Variants in SIPA1L1 observed in about 807,000 individuals in gnomAD.
The protein encoded by SIPA1L1 is signal-induced proliferation-associated 1-like protein 1.
A neutral mutation model predicts 162.7 loss-of-function variants in SIPA1L1; 26 were observed. The ratio of observed to expected loss-of-function variants is 0.16; its 90% CI spans 0.12 to 0.22. The LOEUF is 0.22. Among genes scored for constraint, SIPA1L1 ranks in the 10% least tolerant of loss-of-function variants. SIPA1L1 has a pLI of 1.00. For synonymous variants in SIPA1L1, 829 were observed against 837.4 expected (o/e 0.99, Z 0.17); for missense variants, 1,874 against 2,241.0 (o/e 0.84, Z 3.31).
chr14:71,457,973 C>T (rs1595563355), intron 2 of SIPA1L1, among the ~76,000 whole-genome samples: 2 of 152,200 alleles, frequency 1.3e-5, no homozygotes, highest in South Asian at 4.2e-4. Context: ...CATTTTGTAA[C>T]CTTTTCCCCC....
In SIPA1L1 at chr14:71,624,273, G is replaced by T; in HGVS notation, c.1818+37G>T. Reference sequence around the variant, plus strand: ...TTTCTGAGGAGAGCATTCTTGCTCAGGTTTATTGCTAGGCTTCCGGAATAC... The same window carrying T: ...TTTCTGAGGAGAGCATTCTTGCTCATGTTTATTGCTAGGCTTCCGGAATAC... On this transcript the variant is annotated intron_variant, in intron 7 of 23. Coordinates refer to ENST00000381232, the MANE Select transcript of SIPA1L1 (RefSeq NM_001386936.1). 4 of 1,538,948 alleles carry T rather than the reference G, an allele frequency of 2.6e-6. No individual in the cohort carries two copies. The South Asian group carries it at 4.8e-5, about 18-fold the overall frequency.
chr14:71,672,670 T>C, intron 12 of SIPA1L1, 48 bp downstream of exon 12: 1 of 1,584,868 alleles, frequency 6.3e-7, no homozygotes, highest in Non-Finnish European at 8.6e-7. Context: ...GTGCAGGGTT[T>C]GTGTACCATG....
At chr14:71,629,535 C>T (rs911339115) in intron 7 of SIPA1L1, among the ~76,000 whole-genome samples, 5 of 152,024 alleles carry the variant, frequency 3.3e-5, no homozygotes, top group South Asian at 2.1e-4. Context: ...CTTCAGTGCC[C>T]GGTATTCAGT....
At chr14:71,700,889 G>C (rs1197473955) in intron 14 of SIPA1L1, among the ~76,000 whole-genome samples, 2 of 150,568 alleles carry the variant, frequency 1.3e-5, no homozygotes, top group Admixed American at 1.3e-4. Flanking sequence ...AGCTACTCAG[G>C]AGTCTGAGGC....
chr14:71,374,876 T>C (rs569866004), intron 2 of SIPA1L1, among the ~76,000 whole-genome samples: 9 of 152,306 alleles, frequency 5.9e-5, no homozygotes, highest in Admixed American at 2.6e-4. Flanking sequence ...TAATTTTACC[T>C]AAGTTTTGGT....
In SIPA1L1 at chr14:71,588,217, T is replaced by C; in HGVS notation, c.345T>C (p.Pro115=). ...ATAGCCTGTCCTCCAAAAGCAGTCC[T>C]GTGAGTCAGGGAAGTTCTGTTAGCC... ...CLDSLSSKSS[P]VSQGSSVSLN... The change falls in exon 5 of 24, where the codon CCT becomes CCC. Residue 115 remains proline, a synonymous_variant. Coordinates refer to ENST00000381232, the MANE Select transcript of SIPA1L1 (RefSeq NM_001386936.1). The surrounding 1 kb of genome is among the most constrained non-coding windows in gnomAD (Gnocchi z 4.3). The C allele has an allele frequency of 6.2e-7, 1 of 1,614,152 alleles. No homozygotes were observed. The highest frequency in any genetic ancestry group is 8.5e-7 in the Non-Finnish European group (1 of 1,179,994).
intron 19 of SIPA1L1, among the ~76,000 whole-genome samples, chr14:71,729,790 C>T (rs988858070): frequency 6.6e-6 from 1 of 152,192 alleles, no homozygotes; most frequent in Admixed American, 6.5e-5. Context: ...TAACCACACA[C>T]GATCTTGATA....
intron 3 of SIPA1L1, among the ~76,000 whole-genome samples, chr14:71,519,314 C>A (rs1482971284): frequency 6.6e-6 from 1 of 151,772 alleles, no homozygotes; most frequent in South Asian, 2.1e-4. Context: ...AAAACAAAAA[C>A]CCTCCTAATA....
intron 4 of SIPA1L1, among the ~76,000 whole-genome samples, chr14:71,543,856 A>G (rs1312425283): frequency 1.4e-5 from 2 of 144,304 alleles, no homozygotes; most frequent in Non-Finnish European, 3.0e-5. Flanking sequence ...GTGTATATAT[A>G]CATATATCAT....
At chr14:71,601,686 A>G (rs1408527078) in intron 5 of SIPA1L1, among the ~76,000 whole-genome samples, 2 of 152,154 alleles carry the variant, frequency 1.3e-5, no homozygotes, top group African/African-American at 4.8e-5. Context: ...TAAGTTTGAT[A>G]GAATTCAACA....
At chr14:71,676,928 A>G (rs928548060) in intron 12 of SIPA1L1, among the ~76,000 whole-genome samples, 5 of 152,308 alleles carry the variant, frequency 3.3e-5, no homozygotes, top group South Asian at 2.1e-4. Context: ...TAGTGCCGCA[A>G]TAAACATATG....
At chr14:71,379,763 T>A (rs562804509) in intron 2 of SIPA1L1, among the ~76,000 whole-genome samples, 1 of 152,402 alleles carries the variant, frequency 6.6e-6, no homozygotes, top group East Asian at 1.9e-4. Flanking sequence ...TATTTCTTGC[T>A]GTAGATTTCA....
chr14:71,440,749 T>C (rs926653578), intron 2 of SIPA1L1, among the ~76,000 whole-genome samples: 3 of 139,610 alleles, frequency 2.1e-5, no homozygotes, highest in Non-Finnish European at 4.6e-5. Flanking sequence ...TTCCCTGGAG[T>C]GGTGTATATG....
Position 71,733,772 on chromosome 14 carries a change from G to C in SIPA1L1, c.4968G>C (p.Leu1656Phe). ...CCCTGCCTGACACTGCTGCAGACTT[G>C]GATTGGTCCAACCTGGTAGATGCTG... ...LMPLPDTAAD[L>F]DWSNLVDAAK... is the part of the protein sequence containing the mutation. The change falls in exon 21 of 24, where the codon TTG (leucine) becomes TTC (phenylalanine). Residue 1656 changes from leucine (L) to phenylalanine (F), a missense_variant. Leu to Phe is a conservative substitution (Grantham distance 22). Transcript: ENST00000381232. 6.2e-7 allele frequency: 1 copy of C among 1,613,314 alleles called. No homozygotes were observed. The highest frequency in any genetic ancestry group is 1.1e-5 in the South Asian group (1 of 91,042).
chr14:71,501,544 G>A (rs2050215961), intron 2 of SIPA1L1, among the ~76,000 whole-genome samples: 1 of 152,102 alleles, frequency 6.6e-6, no homozygotes, highest in Admixed American at 6.6e-5. Context: ...CTGTGGTGCT[G>A]GAAGTCAAAA....
intron 2 of SIPA1L1, among the ~76,000 whole-genome samples, chr14:71,347,939 T>C (rs1458477113): frequency 6.6e-6 from 1 of 152,200 alleles, no homozygotes; most frequent in Non-Finnish European, 1.5e-5. Context: ...GTTGTCTTTC[T>C]ATTCAGGAGG....
At chr14:71,656,381 A>C (rs758719823) in intron 8 of SIPA1L1, among the ~76,000 whole-genome samples, 16 of 152,160 alleles carry the variant, frequency 1.1e-4, no homozygotes, top group Non-Finnish European at 1.9e-4. Flanking sequence ...TTGACTTGAA[A>C]CACATGTATA....
chr14:71,514,659 G>T (rs928178216), intron 3 of SIPA1L1, among the ~76,000 whole-genome samples: 6 of 151,948 alleles, frequency 3.9e-5, no homozygotes, highest in Non-Finnish European at 5.9e-5. Context: ...CTGACTAGCT[G>T]CCCTCTCTGA....
At chr14:71,470,202 T>A (rs1025991797) in intron 2 of SIPA1L1, among the ~76,000 whole-genome samples, 1 of 152,226 alleles carries the variant, frequency 6.6e-6, no homozygotes, top group Non-Finnish European at 1.5e-5. Flanking sequence ...TGAAACTGGA[T>A]GACAGTTACC....
Sources: gnomAD v4.1 joint callset for allele counts (sites outside exome capture counted in the v4.1 genomes callset) on GRCh38, gnomAD v4.1.1 for gene constraint, Gnocchi (gnomAD v3.1) non-coding constraint, MANE v1.5 for transcripts, NCBI Gene and HGNC (gene_info 2026-07-23, HGNC 2026-07-21) for gene names.